The following KLHL32 variants were observed in gnomAD, a reference collection of about 807,000 sequenced individuals.
The protein encoded by KLHL32 is kelch-like protein 32.
In KLHL32, 35 loss-of-function variants were observed where a neutral mutation model predicts 64.8. The ratio of observed to expected loss-of-function variants is 0.54; its 90% CI spans 0.41 to 0.72. The LOEUF is 0.72. Among genes scored for constraint, KLHL32 ranks in the 30% least tolerant of loss-of-function variants. KLHL32 has a pLI of 0.00. For missense variants in KLHL32, 589 were observed against 768.5 expected (o/e 0.77, Z 2.76); for synonymous variants, 259 against 281.0 (o/e 0.92, Z 0.78).
intron 6 of KLHL32, among the ~76,000 whole-genome samples, chr6:97,100,147 A>T (rs949774510): frequency 3.3e-5 from 5 of 152,096 alleles, no homozygotes; most frequent in Non-Finnish European, 7.3e-5. Context: ...ATCTCAAAAA[A>T]TACATATATA....
chr6:96,982,200 T>A (rs1776398167), intron 3 of KLHL32, among the ~76,000 whole-genome samples: 1 of 152,142 alleles, frequency 6.6e-6, no homozygotes, highest in Non-Finnish European at 1.5e-5. Context: ...TCTTTATAGG[T>A]CCCCAAGAAT....
chr6:96,972,969 C>T (rs998281368), intron 2 of KLHL32, among the ~76,000 whole-genome samples: 1 of 152,130 alleles, frequency 6.6e-6, no homozygotes. Context: ...AATTTACATC[C>T]AAGAGTTGAG....
intron 3 of KLHL32, among the ~76,000 whole-genome samples, chr6:97,022,228 T>A (rs911654497): frequency 6.6e-6 from 1 of 150,858 alleles, no homozygotes; most frequent in Non-Finnish European, 1.5e-5. Flanking sequence ...TAAGGGTACA[T>A]GATTCTACAT....
chr6:96,982,855 A>G (rs1466765427), intron 3 of KLHL32, among the ~76,000 whole-genome samples: 1 of 152,218 alleles, frequency 6.6e-6, no homozygotes, highest in Admixed American at 6.5e-5. Context: ...CTCTTTTTCT[A>G]ATTGACTACC....
intron 5 of KLHL32, among the ~76,000 whole-genome samples, chr6:97,074,272 T>C (rs962727129): frequency 6.6e-6 from 1 of 152,164 alleles, no homozygotes. Context: ...TAAGAACCTG[T>C]ATTCTAACAA....
At chr6:97,120,013 T>C (rs1798195664) in intron 7 of KLHL32, among the ~76,000 whole-genome samples, 1 of 151,950 alleles carries the variant, frequency 6.6e-6, no homozygotes, top group African/African-American at 2.4e-5. Flanking sequence ...ACCGAGCATA[T>C]ATATTAATAA....
chr6:96,943,431 C>T (rs549786504), intron 1 of KLHL32, among the ~76,000 whole-genome samples: 4 of 151,950 alleles, frequency 2.6e-5, no homozygotes, highest in Admixed American at 6.5e-5. Flanking sequence ...GGAGATTTCT[C>T]ACCCACACAC....
At chr6:97,082,671 A>G (rs1792754934) in intron 5 of KLHL32, among the ~76,000 whole-genome samples, 1 of 152,130 alleles carries the variant, frequency 6.6e-6, no homozygotes, top group African/African-American at 2.4e-5. Flanking sequence ...GACTTTGGAC[A>G]TGATGAGTTT....
At chr6:96,920,591 TCTCC>T (rs1365747229), upstream of KLHL32, among the ~76,000 whole-genome samples, 1 of 151,380 alleles carries the variant, frequency 6.6e-6, no homozygotes, top group Non-Finnish European at 1.5e-5. Context: ...CACACACACA[TCTCC>T]CTCCTTCTCT....
At chr6:97,099,635 A>C (rs947932004) in intron 6 of KLHL32, among the ~76,000 whole-genome samples, 1 of 152,110 alleles carries the variant, frequency 6.6e-6, no homozygotes, top group Non-Finnish European at 1.5e-5. Context: ...CCACAGGGCT[A>C]TCTCTCTACA....
At chr6:96,962,459 C>T (rs539863128) in intron 1 of KLHL32, among the ~76,000 whole-genome samples, 24 of 152,158 alleles carry the variant, frequency 1.6e-4, no homozygotes, top group South Asian at 4.2e-4. Flanking sequence ...AGCTTGGAGA[C>T]GGGGGTCTGA....
At chr6:97,054,885 G>T (rs550634892) in intron 4 of KLHL32, among the ~76,000 whole-genome samples, 2 of 152,154 alleles carry the variant, frequency 1.3e-5, no homozygotes, top group Non-Finnish European at 2.9e-5. Flanking sequence ...GATGCATTGG[G>T]CTGATATCGT....
In KLHL32 at chr6:97,097,667, G is replaced by A. The variant is rs566483758; in HGVS notation, c.627+12326G>A. Among the ~76,000 whole-genome samples, 16 of 151,790 alleles carry A rather than the reference G, an allele frequency of 1.1e-4. No individual in the cohort carries two copies. In the South Asian group the frequency reaches 1.7e-3, roughly 16 times the overall value. ...TTCTTTTTTCAAATGGAGCTCAAAG[G>A]CACAACACATCTAGAAGAGCATTTT... is the stretch of plus-strand genomic sequence containing the variant. On this transcript the variant is annotated intron_variant, in intron 6 of 10. Coordinates refer to ENST00000369261, the MANE Select transcript of KLHL32 (RefSeq NM_052904.4).
At chr6:97,005,629 ATTC>A (rs1194780210) in intron 3 of KLHL32, among the ~76,000 whole-genome samples, 1 of 152,068 alleles carries the variant, frequency 6.6e-6, no homozygotes, top group Non-Finnish European at 1.5e-5. Context: ...TACTATAAAC[ATTC>A]TTCTTCAGTC....
chr6:97,022,916 A>G (rs1175938370), intron 3 of KLHL32, among the ~76,000 whole-genome samples: 1 of 152,234 alleles, frequency 6.6e-6, no homozygotes, highest in African/African-American at 2.4e-5. Flanking sequence ...GAAACTTACA[A>G]TCATGGCATA....
chr6:97,038,402 A>G (rs1001928438), intron 3 of KLHL32, among the ~76,000 whole-genome samples: 6 of 152,204 alleles, frequency 3.9e-5, no homozygotes, highest in African/African-American at 1.4e-4. Flanking sequence ...TCCAATAGAT[A>G]TATTTAAAAA....
chr6:97,135,549 C>T (rs908389449), intron 10 of KLHL32, among the ~76,000 whole-genome samples: 11 of 152,040 alleles, frequency 7.2e-5, no homozygotes, highest in African/African-American at 2.2e-4. Context: ...CTGCCCACCT[C>T]GGCCTCCCAA....
chr6:96,942,825 G>C (rs1771476449), intron 1 of KLHL32, among the ~76,000 whole-genome samples: 1 of 152,096 alleles, frequency 6.6e-6, no homozygotes. Context: ...TCCATCTCTA[G>C]TTTTTTATTG....
chr6:97,138,057 T>C (rs956971632), intron 10 of KLHL32, among the ~76,000 whole-genome samples: 3 of 151,984 alleles, frequency 2.0e-5, no homozygotes, highest in African/African-American at 7.3e-5. Flanking sequence ...GGGAGGCAAA[T>C]GTTTAAATAG....
Sources: gnomAD v4.1 joint callset for allele counts (sites outside exome capture counted in the v4.1 genomes callset) on GRCh38, gnomAD v4.1.1 for gene constraint, MANE v1.5 for transcripts, NCBI Gene and HGNC (gene_info 2026-07-23, HGNC 2026-07-21) for gene names.